Variants in CHN2 observed in about 807,000 individuals in gnomAD.
The protein encoded by CHN2 is chimerin 2.
Under a neutral mutation model 56.3 loss-of-function variants are expected in CHN2, and 35 were observed. The ratio of observed to expected loss-of-function variants is 0.62; its 90% CI spans 0.47 to 0.82. The LOEUF is 0.82. Among genes scored for constraint, CHN2 ranks in the 40% least tolerant of loss-of-function variants. CHN2 has a pLI of 0.00. For synonymous variants in CHN2, 210 were observed against 212.8 expected, an observed-to-expected ratio of 0.99 and a Z score of 0.12; for missense variants, 491 against 580.5, an observed-to-expected ratio of 0.85 and a Z score of 1.58.
intron 3 of CHN2, among the ~76,000 whole-genome samples, chr7:29,373,824 C>T (rs980270760): frequency 2.0e-5 from 3 of 152,186 alleles, no homozygotes; most frequent in Non-Finnish European, 4.4e-5. Context: ...TTTCAACTAA[C>T]TCAGTACATT....
chr7:29,254,108 T>C (rs1788865494), intron 1 of CHN2, among the ~76,000 whole-genome samples: 1 of 152,198 alleles, frequency 6.6e-6, no homozygotes, highest in Admixed American at 6.5e-5. Context: ...TTTCACCTTG[T>C]TGGTCAGGCT....
chr7:29,367,902 TTCTC>T (rs142914048), intron 2 of CHN2, 26 bp from the exon 3 acceptor site: 627 of 1,449,146 alleles, frequency 4.3e-4, no homozygotes, highest in South Asian at 9.8e-4. Flanking sequence ...TTCTAATTAT[TTCTC>T]TCTCTCTCTC....
intron 3 of CHN2, among the ~76,000 whole-genome samples, chr7:29,388,075 A>G (rs1935953189): frequency 7.9e-5 from 12 of 152,204 alleles, no homozygotes; most frequent in Admixed American, 7.9e-4. Flanking sequence ...ATATTTTTGC[A>G]TTCTCTAAAA....
intron 1 of CHN2, among the ~76,000 whole-genome samples, chr7:29,215,229 G>C (rs34382510): frequency 0.13 from 20,149 of 152,116 alleles, 1,705 homozygotes; most frequent in Non-Finnish European, 0.19. Flanking sequence ...TTTTTGTGCC[G>C]TTTCATAGAT....
At chr7:29,146,891 G>C (rs1792781184) in exon 2 of CHN2, 1 of 1,551,078 alleles carries the variant, frequency 6.4e-7, no homozygotes, top group Non-Finnish European at 8.7e-7. Context: ...AAAGCGAGTG[G>C]TGTTTGATTC....
intron 1 of CHN2, among the ~76,000 whole-genome samples, chr7:29,235,587 A>T (rs143918501): frequency 1.9e-3 from 282 of 152,370 alleles, no homozygotes; most frequent in African/African-American, 6.5e-3. Context: ...ACATGCAAGC[A>T]CATATTCATC....
intron 2 of CHN2, among the ~76,000 whole-genome samples, chr7:29,179,499 C>T (rs538293234): frequency 4.6e-5 from 7 of 152,324 alleles, no homozygotes; most frequent in African/African-American, 1.7e-4. Context: ...AGACTCAACA[C>T]AAATTCTTCA....
intron 6 of CHN2, among the ~76,000 whole-genome samples, chr7:29,429,033 GACTGTA>G (rs1029874739): frequency 3.9e-4 from 59 of 152,278 alleles, no homozygotes; most frequent in African/African-American, 1.4e-3. Context: ...ATTGAGTGGG[GACTGTA>G]ACTGGCTACT....
At chr7:29,233,482 C>T (rs567430996) in intron 1 of CHN2, among the ~76,000 whole-genome samples, 2 of 152,252 alleles carry the variant, frequency 1.3e-5, no homozygotes, top group South Asian at 2.1e-4. Context: ...ATGTCGACTT[C>T]CACTTGGAAC....
At chr7:29,436,788 A>G (rs1407131880) in intron 6 of CHN2, among the ~76,000 whole-genome samples, 2 of 152,210 alleles carry the variant, frequency 1.3e-5, no homozygotes, top group Non-Finnish European at 2.9e-5. Flanking sequence ...TGAATAAATA[A>G]CTTCCAGTGT....
At chr7:29,237,226 A>G (rs1017925847) in intron 1 of CHN2, among the ~76,000 whole-genome samples, 3 of 152,214 alleles carry the variant, frequency 2.0e-5, no homozygotes, top group Non-Finnish European at 4.4e-5. Context: ...TTTCAATGTG[A>G]TTAGAATTAG....
intron 7 of CHN2, among the ~76,000 whole-genome samples, chr7:29,480,851 C>A (rs1787126126): frequency 6.6e-6 from 1 of 152,170 alleles, no homozygotes; most frequent in Non-Finnish European, 1.5e-5. Context: ...ACAGGAGATG[C>A]CATCCAGAAG....
chr7:29,349,212 C>G (rs59479485), intron 1 of CHN2, among the ~76,000 whole-genome samples: 5,242 of 152,176 alleles, frequency 0.034, 308 homozygotes, highest in African/African-American at 0.12. Flanking sequence ...TTGTTGTTGT[C>G]GTTCTGTTAG....
At chr7:29,408,546 T>G (rs191678750) in intron 6 of CHN2, among the ~76,000 whole-genome samples, 65 of 152,342 alleles carry the variant, frequency 4.3e-4, no homozygotes, top group African/African-American at 1.1e-3. Flanking sequence ...CACAGTTAAC[T>G]CTGGTGGCTA....
chr7:29,389,738 A>C (rs1801209517), intron 3 of CHN2, among the ~76,000 whole-genome samples: 1 of 152,136 alleles, frequency 6.6e-6, no homozygotes, highest in Non-Finnish European at 1.5e-5. Context: ...ATTTAGAATA[A>C]AATGTTCAGT....
intron 5 of CHN2, among the ~76,000 whole-genome samples, chr7:29,399,748 C>A (rs2128083937): frequency 6.6e-6 from 1 of 152,314 alleles, no homozygotes; most frequent in Non-Finnish European, 1.5e-5. Flanking sequence ...CAAGTTGCAA[C>A]ATGTCTACAG....
At chr7:29,504,720 A>C (rs1790373479) in intron 9 of CHN2, 24 bp from the exon 10 acceptor site, 193 of 1,316,370 alleles carry the variant, frequency 1.5e-4, no homozygotes, top group Non-Finnish European at 1.9e-4. Flanking sequence ...AGCTAAAGTC[A>C]GTCTCTCTCT....
chr7:29,345,375 G>A (rs922436369), intron 1 of CHN2, among the ~76,000 whole-genome samples: 9 of 152,164 alleles, frequency 5.9e-5, no homozygotes, highest in African/African-American at 2.2e-4. Flanking sequence ...AGGCTCTACA[G>A]AGAATTGAAG....
At chr7:29,471,004 C>T (rs1206000776) in intron 6 of CHN2, among the ~76,000 whole-genome samples, 1 of 152,162 alleles carries the variant, frequency 6.6e-6, no homozygotes, top group Non-Finnish European at 1.5e-5. Context: ...CTGGGAACTT[C>T]GTAATAGCTG....
Sources: gnomAD v4.1 joint callset for allele counts (sites outside exome capture counted in the v4.1 genomes callset) on GRCh38, gnomAD v4.1.1 for gene constraint, MANE v1.5 for transcripts, NCBI Gene and HGNC (gene_info 2026-07-23, HGNC 2026-07-21) for gene names.